The following ZNF12 variants were observed in gnomAD, a reference collection of about 807,000 sequenced individuals.
ZNF12 encodes the protein gonadotropin inducible transcription repressor 3.
ZNF12 carries 34 observed loss-of-function variants against 66.6 expected under a neutral mutation model. That is an observed-to-expected ratio of 0.51 (90% CI 0.39 to 0.68). ZNF12 has a LOEUF of 0.68. ZNF12 is among the 30% of genes least tolerant of loss of function. ZNF12 has a pLI of 0.00. For missense variants in ZNF12, 697 were observed against 826.9 expected (o/e 0.84, Z 1.93); for synonymous variants, 320 against 278.9 (o/e 1.15, Z -1.47).
Position 6,692,661 on chromosome 7 carries a change from T to G in ZNF12, c.281A>C (p.Glu94Ala). The change falls in exon 5 of 5, where the codon GAA (glutamate) becomes GCA (alanine). Residue 94 changes from glutamate (E) to alanine (A), a missense_variant. Physicochemically the swap from Glu to Ala is moderately radical, Grantham distance 107 (BLOSUM62 -1). This residue lies in a region of ZNF12 where 241 missense variants were observed against 224.0 expected (regional missense o/e 1.08). Transcript: ENST00000405858. This position sits in a 1 kb window ranked among gnomAD's most constrained non-coding sequence, Gnocchi z 5.1. Reference protein sequence around the residue: ...QTDDLIERIQEEENKPSRQTV... With the variant: ...QTDDLIERIQAEENKPSRQTV... ...TTGCCTTGAAGGTTTATTTTCCTCTTCCTGGATTCTCTCTATTAGGTCATC... is the reference window on the plus strand; with the variant it reads ...TTGCCTTGAAGGTTTATTTTCCTCTGCCTGGATTCTCTCTATTAGGTCATC... 6.2e-7 allele frequency: 1 copy of G among 1,608,534 alleles called. No homozygotes were observed. The highest frequency in any genetic ancestry group is 1.1e-5 in the South Asian group (1 of 89,482).
intron 4 of ZNF12, among the ~76,000 whole-genome samples, chr7:6,693,992 A>G (rs975437123): frequency 6.6e-6 from 1 of 151,642 alleles, no homozygotes; most frequent in Non-Finnish European, 1.5e-5. Flanking sequence ...TGATGGTGAA[A>G]CCCTGCTCTA....
rs1206527311 is a variant in ZNF12 at position 6,690,644 on chromosome 7, C to T, written c.*204G>A. The T allele has an allele frequency of 5.7e-6, 3 of 527,736 alleles. No homozygotes were observed. The highest frequency in any genetic ancestry group is 9.8e-6 in the Non-Finnish European group (3 of 305,952). The allele number at this position is 527,736 out of a possible 1,614,324, so 32.7% of individuals were successfully genotyped here. Reference sequence around the variant, plus strand: ...TTAATATTTATAAATTTTTACTTGTCTATAGTCTAGTATTGTTATACCATG... The same window carrying T: ...TTAATATTTATAAATTTTTACTTGTTTATAGTCTAGTATTGTTATACCATG... On this transcript the variant is annotated 3_prime_UTR_variant, in exon 5 of 5. Transcript: ENST00000405858.
At chr7:6,700,336 C>CACACACACACACACAT (rs59783256) in intron 2 of ZNF12, among the ~76,000 whole-genome samples, 55 of 143,066 alleles carry the variant, frequency 3.8e-4, no homozygotes, top group East Asian at 2.6e-3. Flanking sequence ...CACACACACA[C>CACACACACACACACAT]ATATATATAC....
chr7:6,694,548 A>G (rs938367175), intron 4 of ZNF12, among the ~76,000 whole-genome samples: 6 of 152,140 alleles, frequency 3.9e-5, no homozygotes, highest in Non-Finnish European at 8.8e-5. Context: ...GTTCTGGAGG[A>G]AGTGGGTCTG....
At chr7:6,700,681 G>C (rs1780226574) in intron 2 of ZNF12, 1 of 152,104 alleles carries the variant, frequency 6.6e-6, no homozygotes, top group South Asian at 2.1e-4. Flanking sequence ...TTCTCTGTAG[G>C]ACAAAACCAA....
chr7:6,706,692 C>T lies in ZNF12; in HGVS notation c.-311G>A, dbSNP rs944013792. ...GGACGCACACGGGCCGGGCCCGGGT[C>T]CCGCCGCCCCTTCGCCTCCGCCGTC... On this transcript the variant is annotated 5_prime_UTR_variant, in exon 1 of 5. Coordinates refer to ENST00000405858, the MANE Select transcript of ZNF12 (RefSeq NM_016265.4). 7.5e-6 allele frequency: 2 copies of T among 265,532 alleles called. No homozygotes were observed. Among genetic ancestry groups the T allele is most frequent in the South Asian group, 3.0e-5 (1 of 33,130 alleles). 16.4% of individuals were successfully genotyped at this position (265,532 alleles called of 1,614,324 possible).
In ZNF12 at chr7:6,697,828, A is replaced by G. The variant is rs1222925449; in HGVS notation, c.16-17T>C. On this transcript the variant is annotated splice_polypyrimidine_tract_variant and intron_variant, in intron 2 of 4. Coordinates refer to ENST00000405858, the MANE Select transcript of ZNF12 (RefSeq NM_016265.4). This position sits in a 1 kb window ranked among gnomAD's most constrained non-coding sequence, Gnocchi z 6.1. ...CACTGGCCCCTGAAATGGCACCGTG[A>G]TTGGAATTGGGTGACGTGAAATAGG... The G allele has an allele frequency of 1.2e-6, 2 of 1,614,060 alleles. No homozygotes were observed. Among genetic ancestry groups the G allele is most frequent in the Non-Finnish European group, 1.7e-6 (2 of 1,180,024 alleles).
In ZNF12 at chr7:6,692,074, T is replaced by C; in HGVS notation, c.868A>G (p.Thr290Ala). The change falls in exon 5 of 5, where the codon ACT becomes GCT. Residue 290 changes from threonine to alanine, a missense_variant. Around this residue, in one of 3 missense-constraint regions of ZNF12, gnomAD observed 401 missense variants for 519.0 expected, o/e 0.77. Transcript: ENST00000405858. This position sits in a 1 kb window ranked among gnomAD's most constrained non-coding sequence, Gnocchi z 5.1. Reference protein sequence around the residue: ...KKSKFIIHQRTHTGEKPYECN... With the variant: ...KKSKFIIHQRAHTGEKPYECN... ...TCGTAAGGTTTCTCTCCTGTGTGAG[T>C]CCTCTGATGTATAATAAATTTTGAC... 3.1e-6 allele frequency: 5 copies of C among 1,613,708 alleles called. No homozygotes were observed. Among genetic ancestry groups the C allele is most frequent in the Non-Finnish European group, 4.2e-6 (5 of 1,179,636 alleles).
rs1323075282 is a variant in ZNF12 at position 6,691,865 on chromosome 7, T to C, written c.1077A>G (p.Gly359=). The change falls in exon 5 of 5, where the codon GGA becomes GGG. Residue 359 remains glycine, a synonymous_variant. Transcript: ENST00000405858. ...GGTGTGTCTTCTGGCAAAAGGATTT[T>C]CCACAATAACTACATTCATAGGGCT... ...GEKPYECSYC[G]KSFCQKTHLT... is the part of the protein sequence containing the mutation. 8 of 1,614,032 alleles carry C rather than the reference T, an allele frequency of 5.0e-6. No homozygotes were observed. The highest frequency in any genetic ancestry group is 5.9e-6 in the Non-Finnish European group (7 of 1,180,014).
In ZNF12 at chr7:6,705,008, T is replaced by C. The variant is rs1780329982; in HGVS notation, c.15+151A>G. On this transcript the variant is annotated intron_variant, in intron 2 of 4. Transcript: ENST00000405858. The surrounding 1 kb of genome is among the most constrained non-coding windows in gnomAD (Gnocchi z 4.0). ...ACGCTATCTGCGCATATGAATATGA[T>C]AAAAAGGCTTGGTGCTGATGGCTAC... is the stretch of plus-strand genomic sequence containing the variant. 1.2e-6 allele frequency: 1 copy of C among 826,632 alleles called. No individual in the cohort carries two copies. The highest frequency in any genetic ancestry group is 1.7e-5 in the African/African-American group (1 of 57,156). The allele number at this position is 826,632 out of a possible 1,614,324, so 51.2% of individuals were successfully genotyped here.
At position 6,692,382 on chromosome 7, in the gene ZNF12, TCTC is replaced by T. The variant is rs781439885; in HGVS notation, c.557_559del (p.Gly186del). Reference sequence around the variant, plus strand: ...ATTTTGATTAAATTCATAAGCTTGATCTCCTGGATGAGTTTTCTCAAGCTTAAT... The same window carrying T: ...ATTTTGATTAAATTCATAAGCTTGATCTGGATGAGTTTTCTCAAGCTTAAT... On this transcript the variant is annotated inframe_deletion, in exon 5 of 5. Transcript: ENST00000405858. This position sits in a 1 kb window ranked among gnomAD's most constrained non-coding sequence, Gnocchi z 5.1. 2 of 1,611,964 alleles carry T rather than the reference TCTC, an allele frequency of 1.2e-6. No individual in the cohort carries two copies. The highest frequency in any genetic ancestry group is 1.3e-5 in the African/African-American group (1 of 75,002).
intron 2 of ZNF12, among the ~76,000 whole-genome samples, chr7:6,700,112 C>T (rs111801588): frequency 0.067 from 10,117 of 151,386 alleles, 508 homozygotes; most frequent in African/African-American, 0.15. Flanking sequence ...AGTGAAACCC[C>T]GTCTCTACTA....
intron 2 of ZNF12, among the ~76,000 whole-genome samples, chr7:6,701,710 C>T (rs1034327329): frequency 2.6e-5 from 4 of 152,024 alleles, no homozygotes; most frequent in Admixed American, 6.5e-5. Context: ...GCTATGTCTA[C>T]CCTCTTCTCT....
rs1241177447 is a variant in ZNF12 at position 6,692,505 on chromosome 7, C to T, written c.437G>A (p.Cys146Tyr). The change falls in exon 5 of 5, where the codon TGT (cysteine) becomes TAT (tyrosine). Residue 146 changes from cysteine (C) to tyrosine (Y), a missense_variant. Coordinates refer to ENST00000405858, the MANE Select transcript of ZNF12 (RefSeq NM_016265.4). This position sits in a 1 kb window ranked among gnomAD's most constrained non-coding sequence, Gnocchi z 5.1. ...AATATATTCTGAAACAGACGTTAAA[C>T]ACTTTTCACATGAGTCACAGAGGCT... is the stretch of plus-strand genomic sequence containing the variant. ...KNSLCDSCEKCLTSVSEYISS... is the reference protein window; with the variant it reads ...KNSLCDSCEKYLTSVSEYISS... The T allele has an allele frequency of 1.2e-6, 2 of 1,613,344 alleles. No homozygotes were observed. Among genetic ancestry groups the T allele is most frequent in the Non-Finnish European group, 1.7e-6 (2 of 1,179,720 alleles).
chr7:6,696,545 G>C lies in ZNF12; in HGVS notation c.238+794C>G, dbSNP rs945018715. 6.6e-6 allele frequency among the ~76,000 whole-genome samples: 1 copy of C among 152,128 alleles called. No individual in the cohort carries two copies. The highest frequency in any genetic ancestry group is 6.5e-5 in the Admixed American group (1 of 15,268). ...AACAAAGCCTAAAGACTTGGCACTG[G>C]AGGCACCCTTTGAGAAACTCATAAT... On this transcript the variant is annotated intron_variant, in intron 4 of 4. Transcript: ENST00000405858. The surrounding 1 kb of genome is among the most constrained non-coding windows in gnomAD (Gnocchi z 4.0).
intron 4 of ZNF12, among the ~76,000 whole-genome samples, chr7:6,693,662 A>G (rs1269925780): frequency 6.6e-6 from 1 of 152,216 alleles, no homozygotes; most frequent in Non-Finnish European, 1.5e-5. Flanking sequence ...CCTACCTCAT[A>G]AGGTGGTTGT....
intron 2 of ZNF12, among the ~76,000 whole-genome samples, chr7:6,703,147 T>A (rs1780284856): frequency 1.3e-5 from 2 of 152,196 alleles, no homozygotes; most frequent in Non-Finnish European, 2.9e-5. Context: ...AATTCTGGCC[T>A]TTTCTCAAGC....
chr7:6,695,339 C>T (rs1780138965), intron 4 of ZNF12, among the ~76,000 whole-genome samples: 1 of 152,104 alleles, frequency 6.6e-6, no homozygotes, highest in African/African-American at 2.4e-5. Context: ...GGTATTTTTC[C>T]ACTACTTGCA....
At chr7:6,693,147 C>G (rs1178248057) in intron 4 of ZNF12, among the ~76,000 whole-genome samples, 1 of 152,170 alleles carries the variant, frequency 6.6e-6, no homozygotes, top group Non-Finnish European at 1.5e-5. Context: ...TAAAGCTGTA[C>G]TTTATACCAC....
Sources: gnomAD v4.1 joint callset for allele counts (sites outside exome capture counted in the v4.1 genomes callset) on GRCh38, gnomAD v4.1.1 for gene constraint, gnomAD v4.1.1 regional missense constraint, Gnocchi (gnomAD v3.1) non-coding constraint, MANE v1.5 for transcripts, NCBI Gene and HGNC (gene_info 2026-07-23, HGNC 2026-07-21) for gene names.